SCAF11: variants seen among roughly 807,000 people sequenced by gnomAD.
SCAF11 encodes the protein SR-related CTD associated factor 11.
In SCAF11, 47 loss-of-function variants were observed where a neutral mutation model predicts 140.5. The ratio of observed to expected loss-of-function variants is 0.33; its 90% CI spans 0.26 to 0.43. SCAF11 has a LOEUF of 0.43. SCAF11 is among the 20% of genes least tolerant of loss of function. SCAF11 has a pLI of 1.00. For synonymous variants in SCAF11, 557 were observed against 579.4 expected, an observed-to-expected ratio of 0.96 and a Z score of 0.55; for missense variants, 1,645 against 1,705.1, an observed-to-expected ratio of 0.96 and a Z score of 0.62.
intron 6 of SCAF11, among the ~76,000 whole-genome samples, chr12:45,938,334 C>A (rs1479056094): frequency 1.3e-5 from 2 of 151,994 alleles, no homozygotes; most frequent in Non-Finnish European, 2.9e-5. Flanking sequence ...ACTAAAAATA[C>A]CAAAATTAGC....
chr12:45,963,997 G>C, intron 2 of SCAF11, 110 bp downstream of exon 2: 1 of 627,254 alleles, frequency 1.6e-6, no homozygotes. Context: ...TGGAATTTAA[G>C]AACAACAATA....
chr12:45,926,526 A>T lies in SCAF11; in HGVS notation c.3175T>A (p.Trp1059Arg), dbSNP rs768812396. The change falls in exon 11 of 15, where the codon TGG becomes AGG. Residue 1059 changes from tryptophan (W) to arginine (R), a missense_variant. Transcript: ENST00000369367. Reference protein sequence around the residue: ...ENRNENSGNSWNKNFGSGWVS... With the variant: ...ENRNENSGNSRNKNFGSGWVS... ...CAACCAGAACCAAAGTTTTTATTCC[A>T]AGAATTTCCTGAATTTTCATTTCTA... 1 of 1,613,088 alleles carries T rather than the reference A, an allele frequency of 6.2e-7. No homozygotes were observed. Among genetic ancestry groups the T allele is most frequent in the South Asian group, 1.1e-5 (1 of 90,754 alleles).
intron 4 of SCAF11, 87 bp downstream of exon 4, chr12:45,951,563 T>C: frequency 1.1e-6 from 1 of 870,344 alleles, no homozygotes; most frequent in Admixed American, 2.3e-5. Context: ...AGTTGAACAA[T>C]TTTCAAATAT....
intron 10 of SCAF11, chr12:45,929,907 A>C (rs1565663094): frequency 1.3e-5 from 2 of 152,292 alleles, no homozygotes; most frequent in Admixed American, 6.5e-5. Flanking sequence ...AGGAGCACCA[A>C]CCCCCAACAC....
In SCAF11 at chr12:45,919,657, A is replaced by C. The variant is rs1944661677; in HGVS notation, c.*2391T>G. The C allele has an allele frequency of 6.6e-6, 1 of 152,254 alleles. No homozygotes were observed. The highest frequency in any genetic ancestry group is 1.5e-5 in the Non-Finnish European group (1 of 68,036). The allele number at this position is 152,254 out of a possible 1,614,324, so 9.4% of individuals were successfully genotyped here. A position where few individuals can be genotyped will look rare whatever the true frequency, so the allele number is the denominator to read the frequency against. ...GCATGCATTTTCTAATACATTCTTA[A>C]ACATTTCAAAATTTTAAAAGTTCGA... On this transcript the variant is annotated 3_prime_UTR_variant, in exon 15 of 15. Coordinates refer to ENST00000369367, the MANE Select transcript of SCAF11 (RefSeq NM_004719.3).
At chr12:45,973,614 A>C (rs895677847) in intron 1 of SCAF11, among the ~76,000 whole-genome samples, 2 of 152,160 alleles carry the variant, frequency 1.3e-5, no homozygotes, top group African/African-American at 4.8e-5. Context: ...ATTACTTACG[A>C]GGGGGAGGGA....
At chr12:45,941,824 A>G (rs1407262456) in intron 6 of SCAF11, among the ~76,000 whole-genome samples, 2 of 152,146 alleles carry the variant, frequency 1.3e-5, no homozygotes, top group Non-Finnish European at 2.9e-5. Flanking sequence ...TTTGAACTCC[A>G]TGGGTCTGCT....
At chr12:45,952,757 C>T (rs982899652) in intron 3 of SCAF11, among the ~76,000 whole-genome samples, 17 of 152,074 alleles carry the variant, frequency 1.1e-4, no homozygotes, top group Admixed American at 1.3e-4. Context: ...CTGCAAAGAG[C>T]GTACCAAAAG....
intron 6 of SCAF11, among the ~76,000 whole-genome samples, chr12:45,942,298 T>C (rs760056611): frequency 6.6e-6 from 1 of 152,176 alleles, no homozygotes; most frequent in Non-Finnish European, 1.5e-5. Flanking sequence ...TCATCTCCAC[T>C]AATATCTCCT....
rs1946043407 is a variant in SCAF11 at position 45,970,252 on chromosome 12, A to C, written c.-21-6064T>G. Among the ~76,000 whole-genome samples the C allele has an allele frequency of 2.0e-5, 3 of 152,160 alleles. No homozygotes were observed. The South Asian group carries it at 6.2e-4, about 32-fold the overall frequency. On this transcript the variant is annotated intron_variant, in intron 1 of 14. Transcript: ENST00000369367. ...TCACTCTGTTGCCCAGGCTGGTCTCAAATTCCAGACCTCAAGCAATCTTCC... is the reference window on the plus strand; with the variant it reads ...TCACTCTGTTGCCCAGGCTGGTCTCCAATTCCAGACCTCAAGCAATCTTCC...
At chr12:45,945,426 G>T in intron 5 of SCAF11, 113 bp from the exon 6 acceptor site, 2 of 644,022 alleles carry the variant, frequency 3.1e-6, no homozygotes, top group South Asian at 3.9e-5. Flanking sequence ...ACTGATTTTG[G>T]TAACTATGCT....
chr12:45,972,990 A>G (rs1403032336), intron 1 of SCAF11, among the ~76,000 whole-genome samples: 1 of 141,868 alleles, frequency 7.0e-6, no homozygotes, highest in African/African-American at 2.7e-5. Flanking sequence ...ATATATAGAT[A>G]TAGATATATA....
At chr12:45,947,032 A>G (rs1242125493) in intron 5 of SCAF11, among the ~76,000 whole-genome samples, 1 of 152,200 alleles carries the variant, frequency 6.6e-6, no homozygotes, top group Non-Finnish European at 1.5e-5. Flanking sequence ...AGTGTTATAA[A>G]TTAGTAATAG....
intron 6 of SCAF11, among the ~76,000 whole-genome samples, chr12:45,944,313 C>A (rs1945371894): frequency 6.6e-6 from 1 of 152,172 alleles, no homozygotes; most frequent in Admixed American, 6.5e-5. Flanking sequence ...ATCAAAACAA[C>A]TTTTGCTTCA....
chr12:45,986,483 T>G (rs538091435), intron 1 of SCAF11, among the ~76,000 whole-genome samples: 2 of 152,338 alleles, frequency 1.3e-5, no homozygotes, highest in Non-Finnish European at 2.9e-5. Context: ...GCCTGCTAAC[T>G]AATTCTCCCA....
At chr12:45,990,989 G>A (rs546965689), upstream of SCAF11, among the ~76,000 whole-genome samples, 7 of 152,376 alleles carry the variant, frequency 4.6e-5, no homozygotes, top group South Asian at 1.2e-3. Context: ...CAATGAAAGA[G>A]GCTTTAAGGG....
chr12:45,948,380 T>C (rs1945474830), intron 5 of SCAF11, 57 bp downstream of exon 5: 1 of 1,102,318 alleles, frequency 9.1e-7, no homozygotes, highest in Non-Finnish European at 1.4e-6. Flanking sequence ...ACCTTTTTTG[T>C]ACTAGTTAAC....
At chr12:45,936,900 T>C (rs1005218690) in intron 6 of SCAF11, among the ~76,000 whole-genome samples, 4 of 152,128 alleles carry the variant, frequency 2.6e-5, no homozygotes, top group African/African-American at 9.7e-5. Context: ...AGGTTAGTAA[T>C]TATTTTCCCT....
chr12:45,968,814 C>T (rs1036546965), intron 1 of SCAF11, among the ~76,000 whole-genome samples: 2 of 152,064 alleles, frequency 1.3e-5, no homozygotes, highest in Non-Finnish European at 2.9e-5. Flanking sequence ...TGGTGTAATC[C>T]CAGCTACAGG....
Sources: gnomAD v4.1 joint callset for allele counts (sites outside exome capture counted in the v4.1 genomes callset) on GRCh38, gnomAD v4.1.1 for gene constraint, MANE v1.5 for transcripts, NCBI Gene and HGNC (gene_info 2026-07-23, HGNC 2026-07-21) for gene names.